DNAH5: variants seen among roughly 807,000 people sequenced by gnomAD.
DNAH5 encodes the protein axonemal beta dynein heavy chain 5.
A neutral mutation model predicts 518.2 loss-of-function variants in DNAH5; 372 were observed. The observed-to-expected ratio is 0.72, with a 90% confidence interval of 0.66 to 0.78. DNAH5 has a LOEUF of 0.78. Among genes scored for constraint, DNAH5 ranks in the 30% least tolerant of loss-of-function variants. The pLI is 0.00. For missense variants in DNAH5, 5,523 were observed against 5,687.0 expected (o/e 0.97, Z 0.93); for synonymous variants, 2,039 against 2,025.9 (o/e 1.01, Z -0.17).
Position 13,793,495 on chromosome 5 carries a change from C to T in DNAH5, c.8224+20G>A. ...GGTGTTCTTCCTCACCCTCCCACCC[C>T]ACATCCTCTTGATCTTTACCAAAGA... On this transcript the variant is annotated intron_variant, in intron 49 of 78. Coordinates refer to ENST00000265104, the MANE Select transcript of DNAH5 (RefSeq NM_001369.3). 1 of 1,603,856 alleles carries T rather than the reference C, an allele frequency of 6.2e-7. No individual in the cohort carries two copies. Among genetic ancestry groups the T allele is most frequent in the Non-Finnish European group, 8.5e-7 (1 of 1,170,706 alleles).
chr5:13,855,816 CA>C (rs1767553827), intron 30 of DNAH5, among the ~76,000 whole-genome samples: 1 of 152,176 alleles, frequency 6.6e-6, no homozygotes, highest in Non-Finnish European at 1.5e-5. Context: ...ACAGTGCAAT[CA>C]AATTAGAACT....
chr5:13,920,441 T>C (rs1311637903), intron 6 of DNAH5, 39 bp downstream of exon 6: 3 of 1,613,058 alleles, frequency 1.9e-6, no homozygotes, highest in Admixed American at 1.7e-5. Context: ...AGCGCAGTAA[T>C]GTGGCACCTG....
chr5:13,943,360 T>C (rs753252391), intron 1 of DNAH5, among the ~76,000 whole-genome samples: 3 of 152,222 alleles, frequency 2.0e-5, no homozygotes, highest in Non-Finnish European at 4.4e-5. Flanking sequence ...ACTACAGTGA[T>C]GTGACAAGGA....
chr5:13,768,217 T>C (rs1752769798), intron 58 of DNAH5, among the ~76,000 whole-genome samples: 1 of 152,148 alleles, frequency 6.6e-6, no homozygotes, highest in African/African-American at 2.4e-5. Context: ...GATTGGATCA[T>C]GGGGACAGTT....
intron 31 of DNAH5, among the ~76,000 whole-genome samples, chr5:13,847,426 A>T (rs919849930): frequency 9.8e-5 from 12 of 122,388 alleles, no homozygotes; most frequent in African/African-American, 7.9e-4. Flanking sequence ...AAGAAAGAAT[A>T]AAAAAAAAGA....
intron 31 of DNAH5, among the ~76,000 whole-genome samples, chr5:13,846,787 T>C (rs1766068426): frequency 6.6e-6 from 1 of 152,224 alleles, no homozygotes; most frequent in Admixed American, 6.5e-5. Context: ...ATTTGTTCAC[T>C]TTGGACATGA....
chr5:13,969,968 G>A (rs1241264550), intron 1 of DNAH5, among the ~76,000 whole-genome samples: 1 of 151,960 alleles, frequency 6.6e-6, no homozygotes, highest in African/African-American at 2.4e-5. Flanking sequence ...TATAAATTTG[G>A]GAGCTCCAGT....
Position 13,708,350 on chromosome 5 carries a change from T to C in DNAH5, c.13126-15A>G. 1.2e-6 allele frequency: 2 copies of C among 1,613,240 alleles called. No homozygotes were observed. The highest frequency in any genetic ancestry group is 1.1e-5 in the South Asian group (1 of 91,056). On this transcript the variant is annotated splice_polypyrimidine_tract_variant and intron_variant, in intron 75 of 78. Transcript: ENST00000265104. ...CTCTCTTTTACCTGCCATGGAGACATTCAAAGCACATGTTAACAATTAGCT... is the reference window on the plus strand; with the variant it reads ...CTCTCTTTTACCTGCCATGGAGACACTCAAAGCACATGTTAACAATTAGCT...
rs762124795 is a variant in DNAH5 at position 13,871,754 on chromosome 5, T to C, written c.3408A>G (p.Thr1136=). 214 of 1,613,432 alleles carry C rather than the reference T, an allele frequency of 1.3e-4. No individual in the cohort carries two copies. The highest frequency in any genetic ancestry group is 1.7e-4 in the Non-Finnish European group (198 of 1,179,518). ...TGTAGCGTTTGAAGCAATCCATGGA[T>C]GTAATAACTTCCTGAATGCAAATAA... ...IINSTKKEVI[T]SMDCFKRYNH... The change falls in exon 23 of 79, where the codon ACA becomes ACG. Residue 1136 remains threonine, a synonymous_variant. Transcript: ENST00000265104.
intron 41 of DNAH5, among the ~76,000 whole-genome samples, chr5:13,818,960 A>G (rs1315415805): frequency 6.6e-6 from 1 of 152,238 alleles, no homozygotes. Context: ...AACCAAGTTC[A>G]TAAACAGCAA....
In DNAH5 at chr5:13,754,326, C is replaced by T. The variant is rs779972656; in HGVS notation, c.10432G>A (p.Asp3478Asn). Residue 3478 changes from aspartate to asparagine, a missense_variant, in exon 62 of 79, where the codon GAT (aspartate) becomes AAT (asparagine). This residue lies in a region of DNAH5 where 5,121 missense variants were observed against 5,223.3 expected (regional missense o/e 0.98). Transcript: ENST00000265104. ...ATCTTGTGTCTGCATCGCTCTGCAT[C>T]TTCAAGCAAGGTCTAACAAAGGTCA... ...AMTEKQTLLE[D>N]AERCRHKMQT... 108 of 1,613,986 alleles carry T rather than the reference C, an allele frequency of 6.7e-5. No individual in the cohort carries two copies. The highest frequency in any genetic ancestry group is 8.3e-5 in the Non-Finnish European group (98 of 1,179,982).
chr5:13,948,443 G>A (rs1780103617), upstream of DNAH5, among the ~76,000 whole-genome samples: 2 of 151,938 alleles, frequency 1.3e-5, no homozygotes, highest in Non-Finnish European at 2.9e-5. Context: ...TAATGGATTA[G>A]GTCAGATGAA....
At chr5:13,935,129 G>A (rs376782503) in intron 1 of DNAH5, among the ~76,000 whole-genome samples, 2 of 152,102 alleles carry the variant, frequency 1.3e-5, no homozygotes, top group African/African-American at 4.8e-5. Flanking sequence ...AAAAGAAGTA[G>A]ACAGCCAGAA....
At chr5:13,809,962 T>C in intron 45 of DNAH5, 97 bp downstream of exon 45, 2 of 1,236,368 alleles carry the variant, frequency 1.6e-6, no homozygotes, top group Non-Finnish European at 2.3e-6. Flanking sequence ...CCAATAATTA[T>C]AAATCTCATT....
At chr5:13,759,374 TA>T (rs1313400388) in intron 60 of DNAH5, among the ~76,000 whole-genome samples, 1 of 152,244 alleles carries the variant, frequency 6.6e-6, no homozygotes, top group Non-Finnish European at 1.5e-5. Context: ...GGCCATAGTC[TA>T]CCTAGATCAG....
chr5:13,907,432 G>A (rs556234510), intron 12 of DNAH5, among the ~76,000 whole-genome samples: 1 of 151,844 alleles, frequency 6.6e-6, no homozygotes, highest in Non-Finnish European at 1.5e-5. Context: ...CTGTCCCCCC[G>A]CCACCCCCCA....
At chr5:13,943,509 C>G (rs1210952344) in intron 1 of DNAH5, among the ~76,000 whole-genome samples, 1 of 152,216 alleles carries the variant, frequency 6.6e-6, no homozygotes, top group East Asian at 1.9e-4. Flanking sequence ...CATGGACTGG[C>G]TGGAGTCAGC....
chr5:13,697,985 G>C (rs1741590917), intron 78 of DNAH5, among the ~76,000 whole-genome samples: 2 of 152,208 alleles, frequency 1.3e-5, no homozygotes, highest in African/African-American at 4.8e-5. Flanking sequence ...TCTGATAAAA[G>C]GTGATTGGGT....
Position 13,830,583 on chromosome 5 carries a change from A to C in DNAH5, c.6061+14T>G, listed in dbSNP as rs1362753965. On this transcript the variant is annotated intron_variant, in intron 36 of 78. Coordinates refer to ENST00000265104, the MANE Select transcript of DNAH5 (RefSeq NM_001369.3). ...GCTGCAATTTCTCACCAGATTAAAA[A>C]ATATAACCCATACCCTTAAAAATCC... is the stretch of plus-strand genomic sequence containing the variant. The C allele has an allele frequency of 1.9e-6, 3 of 1,613,964 alleles. No homozygotes were observed. The highest frequency in any genetic ancestry group is 1.7e-5 in the Admixed American group (1 of 60,000).
Sources: gnomAD v4.1 joint callset for allele counts (sites outside exome capture counted in the v4.1 genomes callset) on GRCh38, gnomAD v4.1.1 for gene constraint, gnomAD v4.1.1 regional missense constraint, MANE v1.5 for transcripts, NCBI Gene and HGNC (gene_info 2026-07-23, HGNC 2026-07-21) for gene names.